TMEM87B: variants seen among roughly 807,000 people sequenced by gnomAD.
The protein encoded by TMEM87B is transmembrane protein 87B.
A neutral mutation model predicts 80.3 loss-of-function variants in TMEM87B; 83 were observed. That is an observed-to-expected ratio of 1.03 (90% confidence interval 0.87 to 1.24). The LOEUF is 1.24. Ranked by LOEUF, TMEM87B falls within the 50% of genes most tolerant of loss-of-function variation. The probability of loss-of-function intolerance (pLI) is 0.00; values close to 1 mark genes in which losing one functional copy is unlikely to be tolerated. For missense variants in TMEM87B, 625 were observed against 674.4 expected, an observed-to-expected ratio of 0.93 and a Z score of 0.81; for synonymous variants, 219 against 230.5, an observed-to-expected ratio of 0.95 and a Z score of 0.45.
intron 6 of TMEM87B, among the ~76,000 whole-genome samples, chr2:112,078,615 G>A (rs1175578766): frequency 6.6e-6 from 1 of 152,136 alleles, no homozygotes; most frequent in Non-Finnish European, 1.5e-5. Context: ...TCAGACCATA[G>A]AACTAGGCTT....
At chr2:112,113,366 G>C (rs1679973391) in intron 18 of TMEM87B, among the ~76,000 whole-genome samples, 1 of 152,216 alleles carries the variant, frequency 6.6e-6, no homozygotes, top group South Asian at 2.1e-4. Context: ...TGTGGCACAA[G>C]GCGGGAAGAA....
intron 5 of TMEM87B, 81 bp downstream of exon 5, chr2:112,075,043 TAGAG>T: frequency 6.7e-7 from 1 of 1,494,576 alleles, no homozygotes. Context: ...GATAGATACT[TAGAG>T]AGTGATATAA....
intron 4 of TMEM87B, among the ~76,000 whole-genome samples, chr2:112,071,243 T>C (rs1281105858): frequency 6.6e-6 from 1 of 152,112 alleles, no homozygotes; most frequent in Admixed American, 6.6e-5. Context: ...TGGGATTGCA[T>C]TCATGATTTG....
At chr2:112,061,243 C>T (rs758368780) in intron 2 of TMEM87B, among the ~76,000 whole-genome samples, 1 of 152,114 alleles carries the variant, frequency 6.6e-6, no homozygotes, top group Non-Finnish European at 1.5e-5. Context: ...TGGCCCAATT[C>T]CTCTTATTGT....
chr2:112,073,606 A>G (rs182486405), intron 4 of TMEM87B, among the ~76,000 whole-genome samples: 318 of 152,280 alleles, frequency 2.1e-3, no homozygotes, highest in African/African-American at 6.8e-3. Flanking sequence ...GTAGATGTCT[A>G]TCAGCTCCAT....
intron 14 of TMEM87B, among the ~76,000 whole-genome samples, chr2:112,099,553 TATAC>T (rs765235576): frequency 0.095 from 7,004 of 73,694 alleles, 146 homozygotes; most frequent in Middle Eastern, 0.21. Flanking sequence ...TATATATATA[TATAC>T]ACACACACAC....
In TMEM87B at chr2:112,067,018, A is replaced by C. The variant is rs759335658; in HGVS notation, c.401A>C (p.Asn134Thr). 3.1e-6 allele frequency: 5 copies of C among 1,612,090 alleles called. No individual in the cohort carries two copies. Among genetic ancestry groups the C allele is most frequent in the Non-Finnish European group, 4.2e-6 (5 of 1,179,518 alleles). The change falls in exon 4 of 19, where the codon AAT becomes ACT. Residue 134 changes from asparagine to threonine, a missense_variant. Transcript: ENST00000283206. ...LKNDNCWTTK[N>T]ENLDCNSDSQ... ...AATGACAACTGTTGGACAACAAAAA[A>C]TGAAAACTTAGATTGCAACAGTGAT... is the stretch of plus-strand genomic sequence containing the variant.
chr2:112,085,377 C>T (rs1233865540), intron 8 of TMEM87B, among the ~76,000 whole-genome samples: 2 of 152,192 alleles, frequency 1.3e-5, no homozygotes, highest in Non-Finnish European at 2.9e-5. Flanking sequence ...TTAACTCCTA[C>T]TTAGCCTTCA....
chr2:112,107,231 G>A (rs1679792965), intron 16 of TMEM87B, among the ~76,000 whole-genome samples: 1 of 151,964 alleles, frequency 6.6e-6, no homozygotes. Flanking sequence ...GGTGGCATGT[G>A]CCTGTCATCC....
chr2:112,109,504 C>T (rs910106705), intron 17 of TMEM87B, among the ~76,000 whole-genome samples: 2 of 152,038 alleles, frequency 1.3e-5, no homozygotes, highest in Non-Finnish European at 2.9e-5. Flanking sequence ...TCCAACATGT[C>T]TTTCCAATAT....
intron 15 of TMEM87B, among the ~76,000 whole-genome samples, chr2:112,102,810 A>G (rs1679666187): frequency 6.6e-6 from 1 of 152,234 alleles, no homozygotes; most frequent in African/African-American, 2.4e-5. Flanking sequence ...AACTAATTCT[A>G]AAATGGTATG....
intron 1 of TMEM87B, among the ~76,000 whole-genome samples, chr2:112,056,346 G>C (rs1290649757): frequency 6.6e-6 from 1 of 152,196 alleles, no homozygotes; most frequent in African/African-American, 2.4e-5. Flanking sequence ...AGTTCCGGGA[G>C]AGAGAGTGTG....
chr2:112,087,306 C>A (rs1190160840), intron 9 of TMEM87B, among the ~76,000 whole-genome samples: 2 of 152,182 alleles, frequency 1.3e-5, no homozygotes, highest in Admixed American at 1.3e-4. Flanking sequence ...CCATTCATGA[C>A]CCTAAACTTC....
chr2:112,119,308 A>G lies in TMEM87B; in HGVS notation c.*3165A>G, dbSNP rs1391117677. On this transcript the variant is annotated 3_prime_UTR_variant, in exon 19 of 19. Transcript: ENST00000283206. ...TGTTCTTTTAATAAAAATGCTCTGA[A>G]TTTGAATGATTGATTCTTGATAGTA... is the stretch of plus-strand genomic sequence containing the variant. The G allele has an allele frequency of 6.6e-6, 1 of 152,184 alleles. No homozygotes were observed. The allele number at this position is 152,184 out of a possible 1,614,324, so 9.4% of individuals were successfully genotyped here.
In TMEM87B at chr2:112,116,238, A is replaced by T. The variant is rs1032811553; in HGVS notation, c.*95A>T. 9.1e-7 allele frequency: 1 copy of T among 1,092,964 alleles called. No individual in the cohort carries two copies. Among genetic ancestry groups the T allele is most frequent in the Non-Finnish European group, 1.3e-6 (1 of 754,816 alleles). The allele number at this position is 1,092,964 out of a possible 1,614,324, so 67.7% of individuals were successfully genotyped here. On this transcript the variant is annotated 3_prime_UTR_variant, in exon 19 of 19. Transcript: ENST00000283206. ...GATTTGATATTGCCTAAAAATTTTTATTGTGTTATCTTGGAAGTCTGTGTA... is the reference window on the plus strand; with the variant it reads ...GATTTGATATTGCCTAAAAATTTTTTTTGTGTTATCTTGGAAGTCTGTGTA...
intron 2 of TMEM87B, among the ~76,000 whole-genome samples, chr2:112,060,567 T>G (rs1002887057): frequency 1.3e-4 from 19 of 151,772 alleles, no homozygotes; most frequent in Non-Finnish European, 1.5e-5. Flanking sequence ...GACAGAGTCT[T>G]TCTCTGTCAC....
intron 5 of TMEM87B, among the ~76,000 whole-genome samples, chr2:112,075,886 T>TA: frequency 6.6e-6 from 1 of 152,256 alleles, no homozygotes; most frequent in African/African-American, 2.4e-5. Context: ...GGATAGGAAA[T>TA]ATTCAGGAAA....
intron 17 of TMEM87B, among the ~76,000 whole-genome samples, chr2:112,112,259 TTATATC>T (rs1679941223): frequency 6.6e-6 from 1 of 152,248 alleles, no homozygotes; most frequent in Non-Finnish European, 1.5e-5. Context: ...CGTCTTTTCT[TTATATC>T]TATATTATCT....
chr2:112,064,947 T>C (rs989195050), intron 3 of TMEM87B, among the ~76,000 whole-genome samples: 3 of 152,176 alleles, frequency 2.0e-5, no homozygotes, highest in Admixed American at 2.0e-4. Context: ...TATGTGTACA[T>C]ATACCTATAC....
Sources: gnomAD v4.1 joint callset for allele counts (sites outside exome capture counted in the v4.1 genomes callset) on GRCh38, gnomAD v4.1.1 for gene constraint, MANE v1.5 for transcripts, NCBI Gene and HGNC (gene_info 2026-07-23, HGNC 2026-07-21) for gene names.